TAFA2: variants seen among roughly 807,000 people sequenced by gnomAD.
The protein encoded by TAFA2 is chemokine-like protein TAFA-2.
A neutral mutation model predicts 18.8 loss-of-function variants in TAFA2; 7 were observed. The observed-to-expected ratio is 0.37, with a 90% CI of 0.21 to 0.70. TAFA2 has a LOEUF of 0.70. TAFA2 is among the 30% of genes least tolerant of loss of function. The pLI is 0.53. For missense variants in TAFA2, 122 were observed against 158.1 expected, an observed-to-expected ratio of 0.77 and a Z score of 1.23; for synonymous variants, 60 against 54.2, an observed-to-expected ratio of 1.11 and a Z score of -0.47.
At chr12:62,018,463 TA>T (rs1881011931) in intron 1 of TAFA2, among the ~76,000 whole-genome samples, 1 of 151,942 alleles carries the variant, frequency 6.6e-6, no homozygotes, top group African/African-American at 2.4e-5. Context: ...AACTTAAAAT[TA>T]ATATAGACCA....
At chr12:61,905,725 T>G in intron 1 of TAFA2, among the ~76,000 whole-genome samples, 1 of 152,338 alleles carries the variant, frequency 6.6e-6, no homozygotes, top group African/African-American at 2.4e-5. Context: ...GTCCTCCTCA[T>G]GTATGAAAGC....
At chr12:62,001,481 T>C (rs151258924) in intron 1 of TAFA2, among the ~76,000 whole-genome samples, 62 of 152,262 alleles carry the variant, frequency 4.1e-4, no homozygotes, top group African/African-American at 1.2e-3. Context: ...CTTGGGGTGA[T>C]GGGAGACAGT....
chr12:62,206,229 G>C (rs1448055426), intron 1 of TAFA2, among the ~76,000 whole-genome samples: 3 of 152,174 alleles, frequency 2.0e-5, no homozygotes, highest in Admixed American at 6.5e-5. Context: ...ATTTAACATG[G>C]AAAGCAGAGT....
intron 2 of TAFA2, among the ~76,000 whole-genome samples, chr12:61,847,359 G>A (rs1249669956): frequency 6.6e-6 from 1 of 151,994 alleles, no homozygotes; most frequent in Non-Finnish European, 1.5e-5. Context: ...GTAGTATCTG[G>A]TACAAATAAA....
At chr12:61,946,128 A>C (rs1256552887) in intron 1 of TAFA2, among the ~76,000 whole-genome samples, 1 of 149,428 alleles carries the variant, frequency 6.7e-6, no homozygotes, top group Non-Finnish European at 1.5e-5. Flanking sequence ...AATGGAACAG[A>C]ACAGAGCCCT....
chr12:62,120,189 A>G (rs548339517), intron 1 of TAFA2, among the ~76,000 whole-genome samples: 153 of 152,338 alleles, frequency 1.0e-3, no homozygotes, highest in African/African-American at 3.2e-3. Context: ...TTGCTCCACA[A>G]TATAATCAGG....
At chr12:61,857,376 A>T (rs1873927511) in intron 2 of TAFA2, among the ~76,000 whole-genome samples, 1 of 152,104 alleles carries the variant, frequency 6.6e-6, no homozygotes, top group African/African-American at 2.4e-5. Flanking sequence ...ATTCAATTTA[A>T]TTTTTTTTAA....
chr12:61,950,620 G>A (rs1878432835), intron 1 of TAFA2, among the ~76,000 whole-genome samples: 1 of 151,928 alleles, frequency 6.6e-6, no homozygotes, highest in Non-Finnish European at 1.5e-5. Context: ...TTGATCTTTT[G>A]TTGTTGTTGA....
At chr12:61,933,686 G>GCA (rs2121400977) in intron 1 of TAFA2, among the ~76,000 whole-genome samples, 1 of 152,272 alleles carries the variant, frequency 6.6e-6, no homozygotes, top group Admixed American at 6.5e-5. Context: ...TCACACCACT[G>GCA]CACTCCAGCC....
At chr12:61,731,922 GGGA>G (rs1870469399) in intron 4 of TAFA2, among the ~76,000 whole-genome samples, 1 of 152,048 alleles carries the variant, frequency 6.6e-6, no homozygotes. Context: ...TGTACTAAGT[GGGA>G]GGCACTATCC....
Position 62,221,067 on chromosome 12 carries a change from G to A in TAFA2, c.-130+37696C>T, listed in dbSNP as rs1356114769. Among the ~76,000 whole-genome samples the A allele has an allele frequency of 2.0e-5, 3 of 151,492 alleles. No homozygotes were observed. The East Asian group carries it at 5.8e-4, about 29-fold the overall frequency. The stretch of plus-strand genomic sequence containing the variant: ...TGCAGTGAGCCAAGTTTGTGCCACT[G>A]CACTCCAGCCTGAGCGACAGAGCGA... On this transcript the variant is annotated intron_variant, in intron 1 of 5. Transcript: ENST00000551619.
intron 4 of TAFA2, among the ~76,000 whole-genome samples, chr12:61,730,621 C>A (rs893016432): frequency 6.6e-6 from 1 of 151,882 alleles, no homozygotes; most frequent in African/African-American, 2.4e-5. Flanking sequence ...GGTTCTCAGG[C>A]CAATCGATTC....
chr12:61,807,187 C>T (rs903636557), intron 2 of TAFA2, among the ~76,000 whole-genome samples: 3 of 151,364 alleles, frequency 2.0e-5, no homozygotes, highest in Non-Finnish European at 4.4e-5. Context: ...CCAGGTTCCT[C>T]ATGCTGTGTG....
chr12:61,867,460 T>C, intron 1 of TAFA2, 34 bp from the exon 2 acceptor site: 1 of 1,285,868 alleles, frequency 7.8e-7, no homozygotes, highest in Middle Eastern at 2.0e-4. Context: ...ATCATAAGTA[T>C]GCAAATTCAT....
intron 1 of TAFA2, among the ~76,000 whole-genome samples, chr12:61,965,778 T>C (rs972400339): frequency 2.0e-5 from 3 of 151,922 alleles, no homozygotes; most frequent in African/African-American, 7.2e-5. Flanking sequence ...AGACTGAGGT[T>C]GCAAACAAGT....
At chr12:61,851,650 C>T (rs552376832) in intron 2 of TAFA2, among the ~76,000 whole-genome samples, 39 of 151,182 alleles carry the variant, frequency 2.6e-4, no homozygotes, top group Admixed American at 1.1e-3. Flanking sequence ...CGGCGGGGGC[C>T]TATAGTCCCA....
intron 1 of TAFA2, among the ~76,000 whole-genome samples, chr12:62,114,039 GA>G (rs934518631): frequency 3.9e-5 from 6 of 152,070 alleles, no homozygotes; most frequent in South Asian, 2.1e-4. Flanking sequence ...ACCAGGGTGT[GA>G]AAAAAAACCT....
intron 1 of TAFA2, among the ~76,000 whole-genome samples, chr12:62,035,250 C>T (rs1021483201): frequency 1.3e-5 from 2 of 152,100 alleles, no homozygotes; most frequent in Admixed American, 6.5e-5. Flanking sequence ...ACTATGCTGG[C>T]CACTGAGGGA....
intron 1 of TAFA2, among the ~76,000 whole-genome samples, chr12:62,146,109 T>C (rs543790143): frequency 6.6e-6 from 1 of 152,098 alleles, no homozygotes; most frequent in East Asian, 1.9e-4. Context: ...CTAACATCTA[T>C]CCTGGAGTAA....
Sources: allele counts gnomAD v4.1 joint callset (sites outside exome capture counted in the v4.1 genomes callset), GRCh38; gene constraint gnomAD v4.1.1; transcripts MANE v1.5; gene names NCBI Gene and HGNC (gene_info 2026-07-23, HGNC 2026-07-21).